The following ADRA1A variants were observed in gnomAD, a reference collection of about 807,000 sequenced individuals.
ADRA1A encodes alpha-1A adrenergic receptor.
In ADRA1A, 31 loss-of-function variants were observed where a neutral mutation model predicts 29.6. The observed-to-expected ratio is 1.05, with a 90% CI of 0.79 to 1.41. ADRA1A has a LOEUF of 1.41. Ranked by LOEUF, ADRA1A falls within the 40% of genes most tolerant of loss-of-function variation. The pLI is 0.00. For synonymous variants in ADRA1A, 311 were observed against 254.3 expected, an observed-to-expected ratio of 1.22 and a Z score of -2.12; for missense variants, 619 against 601.1, an observed-to-expected ratio of 1.03 and a Z score of -0.31.
chr8:26,778,552 C>T lies in ADRA1A; in HGVS notation c.884-7886G>A, dbSNP rs1806714788. 2.6e-5 allele frequency among the ~76,000 whole-genome samples: 4 copies of T among 152,060 alleles called. 1 individual carries two copies. The South Asian group carries it at 8.3e-4, about 32-fold the overall frequency. ...TAATATAATAACCAAACCAAATGTC[C>T]AACAATGATAGACTGGATTGAGAAA... On this transcript the variant is annotated intron_variant, in intron 2 of 2. Transcript: ENST00000380573.
chr8:26,859,197 T>C (rs1487770239), intron 2 of ADRA1A: 2 of 1,286,750 alleles, frequency 1.6e-6, no homozygotes, highest in Non-Finnish European at 2.0e-6. Context: ...TATTTAAGAA[T>C]GTATGTCCCT....
At chr8:26,791,480 G>A (rs1157237489) in intron 2 of ADRA1A, among the ~76,000 whole-genome samples, 1 of 152,124 alleles carries the variant, frequency 6.6e-6, no homozygotes, top group Non-Finnish European at 1.5e-5. Flanking sequence ...AATTATGAGT[G>A]CCCACTGGGT....
chr8:26,848,412 A>G lies in ADRA1A; in HGVS notation c.883+15675T>C, dbSNP rs1812372629. 6.6e-6 allele frequency among the ~76,000 whole-genome samples: 1 copy of G among 152,188 alleles called. No homozygotes were observed. Among genetic ancestry groups the G allele is most frequent in the Non-Finnish European group, 1.5e-5 (1 of 68,042 alleles). ...AGGGTGAACCCTCATAATGAGATTCATGCCCTTATACAAAGAGGAAGGTAC... is the reference window on the plus strand; with the variant it reads ...AGGGTGAACCCTCATAATGAGATTCGTGCCCTTATACAAAGAGGAAGGTAC... On this transcript the variant is annotated intron_variant, in intron 2 of 2. Coordinates refer to ENST00000380573, the MANE Select transcript of ADRA1A (RefSeq NM_000680.4). This position sits in a 1 kb window ranked among gnomAD's most constrained non-coding sequence, Gnocchi z 4.3.
intron 2 of ADRA1A, among the ~76,000 whole-genome samples, chr8:26,820,701 G>C (rs766289389): frequency 4.6e-5 from 7 of 152,304 alleles, no homozygotes; most frequent in Non-Finnish European, 1.0e-4. Context: ...AGCATTGTTA[G>C]ACAGAATCGG....
chr8:26,770,037 A>G lies in ADRA1A; in HGVS notation c.*112T>C. ...GTCTACCACCCACCCCATTCCCAGC[A>G]GGTCCCCTCTTTGATTGGTCCTGTC... On this transcript the variant is annotated 3_prime_UTR_variant, in exon 3 of 3. Transcript: ENST00000380573. 1.3e-6 allele frequency: 2 copies of G among 1,481,794 alleles called. No homozygotes were observed. Among genetic ancestry groups the G allele is most frequent in the Non-Finnish European group, 1.8e-6 (2 of 1,118,522 alleles). 91.8% of individuals were successfully genotyped at this position (1,481,794 alleles called of 1,614,324 possible).
intron 2 of ADRA1A, among the ~76,000 whole-genome samples, chr8:26,820,954 A>T (rs768032607): frequency 2.6e-4 from 40 of 152,148 alleles, no homozygotes; most frequent in Non-Finnish European, 5.0e-4. Flanking sequence ...CAGTGGTGCC[A>T]TCTTAGCTCA....
chr8:26,812,515 G>A (rs1809463505), intron 2 of ADRA1A, among the ~76,000 whole-genome samples: 1 of 152,058 alleles, frequency 6.6e-6, no homozygotes, highest in Non-Finnish European at 1.5e-5. Flanking sequence ...GTAAAGTTCA[G>A]GAGATAGTTT....
rs141672591 is a variant in ADRA1A, at chr8:26,850,025, C to CAAAAAAAAAA, written c.883+14061_883+14062insTTTTTTTTTT. ...AAAAGTGACTAATGAGAGAGAAATGCAAAAACAAAAAACAAAAAACAAAAA... is the reference window on the plus strand; with the variant it reads ...AAAAGTGACTAATGAGAGAGAAATGCAAAAAAAAAAAAAAACAAAAAACAAAAAACAAAAA... On this transcript the variant is annotated intron_variant, in intron 2 of 2. Coordinates refer to ENST00000380573, the MANE Select transcript of ADRA1A (RefSeq NM_000680.4). 7.0e-4 allele frequency among the ~76,000 whole-genome samples: 85 copies of CAAAAAAAAAA among 121,552 alleles called. 2 individuals are homozygous for CAAAAAAAAAA. Among genetic ancestry groups the CAAAAAAAAAA allele is most frequent in the Non-Finnish European group, 2.6e-4 (15 of 58,490 alleles). The allele number at this position is 121,552 out of a possible 152,430, so 79.7% of individuals were successfully genotyped here. A position where few individuals can be genotyped will look rare whatever the true frequency, so the allele number is the denominator to read the frequency against.
At position 26,866,685 on chromosome 8, in the gene ADRA1A, G is replaced by A. The variant is rs1288280981; in HGVS notation, c.-687+251C>T. On this transcript the variant is annotated intron_variant, in intron 1 of 2. Coordinates refer to ENST00000380573, the MANE Select transcript of ADRA1A (RefSeq NM_000680.4). This position sits in a 1 kb window ranked among gnomAD's most constrained non-coding sequence, Gnocchi z 5.7. ...AGACCTCACAGGTGGTATTAAAAAC[G>A]TGCCACTGCAGAAACCCTTTTCCTC... 1.3e-5 allele frequency among the ~76,000 whole-genome samples: 2 copies of A among 152,162 alleles called. No homozygotes were observed. Among genetic ancestry groups the A allele is most frequent in the Non-Finnish European group, 2.9e-5 (2 of 68,032 alleles).
At chr8:26,767,233 CACATT>C (rs762019163), downstream of ADRA1A, among the ~76,000 whole-genome samples, 18 of 152,282 alleles carry the variant, frequency 1.2e-4, no homozygotes, top group Non-Finnish European at 2.6e-4. Context: ...CTTTTTATAA[CACATT>C]AGAGAAGACA....
chr8:26,769,290 C>T lies in ADRA1A; in HGVS notation c.*859G>A, dbSNP rs1261009226. 1 of 985,266 alleles carries T rather than the reference C, an allele frequency of 1.0e-6. No homozygotes were observed. The highest frequency in any genetic ancestry group is 1.2e-6 in the Non-Finnish European group (1 of 829,900). The allele number at this position is 985,266 out of a possible 1,614,324, so 61.0% of individuals were successfully genotyped here. ...TCTATCTTTGCAAGAAATTAACAGC[C>T]ACACCAACCTCTTGCTCTTTAAAGA... On this transcript the variant is annotated 3_prime_UTR_variant, in exon 3 of 3. Transcript: ENST00000380573.
At chr8:26,750,244 C>T (rs577190254) in intron 2 of ADRA1A, among the ~76,000 whole-genome samples, 15 of 152,192 alleles carry the variant, frequency 9.9e-5, no homozygotes, top group Admixed American at 2.0e-4. Context: ...CTCTGTTGCC[C>T]AGGCTGGAGT....
chr8:26,768,414 A>G (rs1435738148), downstream of ADRA1A, among the ~76,000 whole-genome samples: 3 of 152,188 alleles, frequency 2.0e-5, no homozygotes, highest in African/African-American at 7.2e-5. Flanking sequence ...CTTATTGTGA[A>G]AAGACAGCCA....
At chr8:26,765,954 T>C (rs891042706), downstream of ADRA1A, 1 of 1,154,452 alleles carries the variant, frequency 8.7e-7, no homozygotes, top group South Asian at 1.6e-5. Context: ...GGATATCCAG[T>C]TTTCACTTAG....
chr8:26,766,698 G>C (rs1805810453), downstream of ADRA1A, among the ~76,000 whole-genome samples: 2 of 152,254 alleles, frequency 1.3e-5, no homozygotes, highest in South Asian at 4.1e-4. Flanking sequence ...AGAATAGGGA[G>C]ACCCAGGTTT....
At chr8:26,776,360 C>T (rs1437437827) in intron 2 of ADRA1A, among the ~76,000 whole-genome samples, 1 of 152,150 alleles carries the variant, frequency 6.6e-6, no homozygotes, top group South Asian at 2.1e-4. Flanking sequence ...TTCATTTTAC[C>T]CCCTGGAAAA....
Position 26,865,137 on chromosome 8 carries a change from G to C in ADRA1A, c.-168C>G. 1.4e-6 allele frequency: 2 copies of C among 1,451,110 alleles called. No homozygotes were observed. The highest frequency in any genetic ancestry group is 1.8e-6 in the Non-Finnish European group (2 of 1,109,424). 89.9% of individuals were successfully genotyped at this position (1,451,110 alleles called of 1,614,324 possible). ...CGCGCGCGGGTGGGAAACAACCCTGGCCAGCCCTGGGAACCCTCAGAAGGC... is the reference window on the plus strand; with the variant it reads ...CGCGCGCGGGTGGGAAACAACCCTGCCCAGCCCTGGGAACCCTCAGAAGGC... On this transcript the variant is annotated 5_prime_UTR_variant, in exon 2 of 3. Coordinates refer to ENST00000380573, the MANE Select transcript of ADRA1A (RefSeq NM_000680.4). The surrounding 1 kb of genome is among the most constrained non-coding windows in gnomAD (Gnocchi z 7.6).
At chr8:26,779,728 G>T (rs369497026) in intron 2 of ADRA1A, among the ~76,000 whole-genome samples, 5 of 152,318 alleles carry the variant, frequency 3.3e-5, no homozygotes, top group African/African-American at 1.2e-4. Flanking sequence ...CTGTCATGCA[G>T]TGCGTCTGCA....
intron 2 of ADRA1A, among the ~76,000 whole-genome samples, chr8:26,843,611 G>T (rs1333539697): frequency 6.6e-6 from 1 of 152,138 alleles, no homozygotes; most frequent in Non-Finnish European, 1.5e-5. Flanking sequence ...CAGATAAAAT[G>T]AGGATAAAAA....
Sources: gnomAD v4.1 joint callset for allele counts (sites outside exome capture counted in the v4.1 genomes callset) on GRCh38, gnomAD v4.1.1 for gene constraint, Gnocchi (gnomAD v3.1) non-coding constraint, MANE v1.5 for transcripts, NCBI Gene and HGNC (gene_info 2026-07-23, HGNC 2026-07-21) for gene names.